Variants in RALYL observed in about 807,000 individuals in gnomAD.
The protein encoded by RALYL is RNA-binding Raly-like protein.
Under a neutral mutation model 35.1 loss-of-function variants are expected in RALYL, and 29 were observed. The observed-to-expected ratio is 0.83, with a 90% CI of 0.61 to 1.13. The LOEUF is 1.13. Among genes scored for constraint, RALYL ranks in the 50% most tolerant of loss-of-function variants. The pLI, the probability that RALYL is intolerant of heterozygous loss-of-function variation, is 0.00. For synonymous variants in RALYL, 120 were observed against 127.6 expected (o/e 0.94, Z 0.40); for missense variants, 359 against 360.4 (o/e 1.00, Z 0.03).
intron 1 of RALYL, among the ~76,000 whole-genome samples, chr8:84,316,159 A>G (rs781658035): frequency 2.5e-4 from 38 of 152,138 alleles, no homozygotes; most frequent in Admixed American, 1.8e-3. Flanking sequence ...CTGATTTCCC[A>G]GAAATAACAA....
intron 1 of RALYL, among the ~76,000 whole-genome samples, chr8:84,475,472 T>C (rs776943619): frequency 6.6e-6 from 1 of 152,174 alleles, no homozygotes; most frequent in Non-Finnish European, 1.5e-5. Context: ...TAAAAATATA[T>C]AAAACAAGTG....
At chr8:84,848,437 G>GTGTA (rs1554620895) in intron 4 of RALYL, among the ~76,000 whole-genome samples, 58 of 148,512 alleles carry the variant, frequency 3.9e-4, no homozygotes, top group Middle Eastern at 3.7e-3. Context: ...GTGTGTGTGT[G>GTGTA]TATATATATA....
chr8:84,528,294 G>A (rs529407186), intron 1 of RALYL, among the ~76,000 whole-genome samples: 5 of 152,102 alleles, frequency 3.3e-5, no homozygotes, highest in South Asian at 2.1e-4. Flanking sequence ...AATAGGTACT[G>A]TAAATGATGC....
At chr8:84,729,054 A>C (rs1255909118) in intron 2 of RALYL, among the ~76,000 whole-genome samples, 1 of 152,106 alleles carries the variant, frequency 6.6e-6, no homozygotes, top group East Asian at 1.9e-4. Context: ...GAATCTATGA[A>C]TTACCTTGGG....
chr8:84,610,653 G>A (rs1354157777), intron 2 of RALYL, among the ~76,000 whole-genome samples: 2 of 152,054 alleles, frequency 1.3e-5, no homozygotes, highest in Non-Finnish European at 2.9e-5. Context: ...CCTTTAGAGA[G>A]GAGTATCTAC....
intron 1 of RALYL, among the ~76,000 whole-genome samples, chr8:84,202,778 G>A (rs1050227824): frequency 1.3e-5 from 2 of 152,130 alleles, no homozygotes; most frequent in Non-Finnish European, 2.9e-5. Context: ...TATTTTCCTG[G>A]TGTAGGCATG....
intron 1 of RALYL, among the ~76,000 whole-genome samples, chr8:84,306,246 G>A (rs1841777263): frequency 1.3e-5 from 2 of 151,908 alleles, no homozygotes; most frequent in Admixed American, 1.3e-4. Context: ...AGGTACCTAT[G>A]ACTATAACAA....
intron 2 of RALYL, among the ~76,000 whole-genome samples, chr8:84,640,392 C>G (rs759263503): frequency 2.6e-5 from 4 of 151,516 alleles, no homozygotes; most frequent in Non-Finnish European, 5.9e-5. Context: ...TATGGGAAGC[C>G]CATTTACATA....
chr8:84,199,353 C>A (rs1380065548), intron 1 of RALYL, among the ~76,000 whole-genome samples: 1 of 151,990 alleles, frequency 6.6e-6, no homozygotes, highest in African/African-American at 2.4e-5. Context: ...TTATTAGATT[C>A]CTTCCTATAG....
intron 1 of RALYL, among the ~76,000 whole-genome samples, chr8:84,312,050 G>T (rs1293150456): frequency 6.6e-6 from 1 of 152,278 alleles, no homozygotes; most frequent in South Asian, 2.1e-4. Context: ...ATGGCTGGGG[G>T]AGGCCTCAGG....
intron 1 of RALYL, among the ~76,000 whole-genome samples, chr8:84,402,676 C>T (rs762237196): frequency 1.1e-4 from 17 of 152,096 alleles, no homozygotes; most frequent in Non-Finnish European, 2.4e-4. Flanking sequence ...ATAGACCCTT[C>T]CAAGACCATT....
intron 1 of RALYL, among the ~76,000 whole-genome samples, chr8:84,417,100 G>T (rs962069625): frequency 7.3e-5 from 11 of 150,274 alleles, no homozygotes; most frequent in African/African-American, 2.7e-4. Flanking sequence ...AGTTAAATAG[G>T]CAGGAATTAG....
At chr8:84,698,100 C>T (rs1839484025) in intron 2 of RALYL, among the ~76,000 whole-genome samples, 1 of 152,036 alleles carries the variant, frequency 6.6e-6, no homozygotes, top group African/African-American at 2.4e-5. Flanking sequence ...ACAGTTTTTG[C>T]AGCTCACAAA....
chr8:84,542,169 C>T (rs1455343855), intron 2 of RALYL, among the ~76,000 whole-genome samples: 1 of 151,952 alleles, frequency 6.6e-6, no homozygotes, highest in Non-Finnish European at 1.5e-5. Context: ...TCTGTTAGCT[C>T]CTAAGTTCTG....
chr8:84,349,167 C>T (rs1850384049), intron 1 of RALYL, among the ~76,000 whole-genome samples: 1 of 150,164 alleles, frequency 6.7e-6, no homozygotes, highest in African/African-American at 2.5e-5. Flanking sequence ...CCAGACCACA[C>T]TTAGAACTAG....
rs796143761 is a variant in RALYL, at chr8:84,369,864, C to T, written c.-23-159435C>T. Reference sequence around the variant, plus strand: ...TTCTTCCCAAAGAAAACTATTTAGGCATCAAATCAGTTAATATAATGAATT... The same window carrying T: ...TTCTTCCCAAAGAAAACTATTTAGGTATCAAATCAGTTAATATAATGAATT... On this transcript the variant is annotated intron_variant, in intron 1 of 8. Transcript: ENST00000521268. Among the ~76,000 whole-genome samples, 4 of 152,126 alleles carry T rather than the reference C, an allele frequency of 2.6e-5. No homozygotes were observed. In the South Asian group the frequency reaches 6.2e-4, roughly 24 times the overall value.
intron 1 of RALYL, among the ~76,000 whole-genome samples, chr8:84,292,158 A>G (rs1303269605): frequency 6.6e-6 from 1 of 152,102 alleles, no homozygotes; most frequent in Non-Finnish European, 1.5e-5. Flanking sequence ...GCAGTGAGAA[A>G]AGTTTCAATG....
chr8:84,710,780 T>C (rs1589138682), intron 2 of RALYL, among the ~76,000 whole-genome samples: 1 of 152,172 alleles, frequency 6.6e-6, no homozygotes, highest in African/African-American at 2.4e-5. Context: ...GGCTGTCTAA[T>C]GAAGTTTATC....
intron 1 of RALYL, among the ~76,000 whole-genome samples, chr8:84,203,370 C>G (rs1817358783): frequency 6.6e-6 from 1 of 150,984 alleles, no homozygotes; most frequent in Non-Finnish European, 1.5e-5. Flanking sequence ...GCAGATTTTT[C>G]TAAACTAATC....
Sources: allele counts gnomAD v4.1 joint callset (sites outside exome capture counted in the v4.1 genomes callset), GRCh38; gene constraint gnomAD v4.1.1; transcripts MANE v1.5; gene names NCBI Gene and HGNC (gene_info 2026-07-23, HGNC 2026-07-21).